Variants in M1AP observed in about 807,000 individuals in gnomAD.
M1AP encodes the protein meiosis 1 associated protein.
In M1AP, 39 loss-of-function variants were observed where a neutral mutation model predicts 51.2. The ratio of observed to expected loss-of-function variants is 0.76; its 90% confidence interval spans 0.59 to 1.00. The LOEUF is 1.00. Among genes scored for constraint, M1AP ranks in the 50% least tolerant of loss-of-function variants. The probability of loss-of-function intolerance (pLI) is 0.00; values close to 1 mark genes in which losing one functional copy is unlikely to be tolerated. For synonymous variants in M1AP, 251 were observed against 249.2 expected, an observed-to-expected ratio of 1.01 and a Z score of -0.07; for missense variants, 545 against 641.2, an observed-to-expected ratio of 0.85 and a Z score of 1.62.
chr2:74,590,252 A>T (rs780900908), intron 4 of M1AP, among the ~76,000 whole-genome samples: 6 of 152,160 alleles, frequency 3.9e-5, no homozygotes, highest in Non-Finnish European at 7.3e-5. Context: ...TTTGGTTGAT[A>T]AATGGCCCCT....
Position 74,560,013 on chromosome 2 carries a change from C to T in M1AP, c.1422+138G>A. ...GTAAGGGTTCTAATTTTCCCCTCCA[C>T]CAGGGGTGGATCCTGGAGGAAGGCT... On this transcript the variant is annotated intron_variant, in intron 9 of 10. Coordinates refer to ENST00000421985, the MANE Select transcript of M1AP (RefSeq NM_001321739.2). 3.2e-6 allele frequency: 3 copies of T among 946,258 alleles called. No individual in the cohort carries two copies. In the South Asian group the frequency reaches 4.9e-5, roughly 16 times the overall value. 58.6% of individuals were successfully genotyped at this position (946,258 alleles called of 1,614,324 possible).
chr2:74,614,924 C>T (rs371763887), intron 3 of M1AP, 40 bp downstream of exon 3: 763 of 1,571,620 alleles, frequency 4.9e-4, no homozygotes, highest in Middle Eastern at 1.7e-3. Flanking sequence ...GGACTGAAAT[C>T]GGAACACAGC....
intron 3 of M1AP, among the ~76,000 whole-genome samples, chr2:74,611,616 A>C (rs547900640): frequency 3.9e-4 from 59 of 152,102 alleles, no homozygotes; most frequent in Non-Finnish European, 5.4e-4. Flanking sequence ...CAAACAAAAC[A>C]GTTCTTTTTA....
At chr2:74,640,463 A>ATT (rs757761825) in intron 1 of M1AP, 136 bp from the exon 2 acceptor site, 2,347 of 514,008 alleles carry the variant, frequency 4.6e-3, no homozygotes, top group Middle Eastern at 6.2e-3. Flanking sequence ...AGGCCATCCT[A>ATT]TTTTTTTTTT....
chr2:74,588,669 G>C lies in M1AP; in HGVS notation c.596-6822C>G, dbSNP rs76857476. On this transcript the variant is annotated intron_variant, in intron 4 of 10. Transcript: ENST00000421985. ...AGAGTTGGCAGGGGTGGTGGTAGTG[G>C]TTATCAACATGTGAACTCAGGGCAG... is the stretch of plus-strand genomic sequence containing the variant. Among the ~76,000 whole-genome samples, 1,510 of 152,292 alleles carry C rather than the reference G, an allele frequency of 9.9e-3. 29 individuals carry two copies. Among genetic ancestry groups the C allele is most frequent in the African/African-American group, 0.034 (1,430 of 41,546 alleles).
At chr2:74,625,206 A>C (rs142714468) in intron 2 of M1AP, among the ~76,000 whole-genome samples, 68 of 152,258 alleles carry the variant, frequency 4.5e-4, no homozygotes, top group African/African-American at 1.3e-3. Context: ...AATGTCATTT[A>C]TATTTTCTTT....
intron 5 of M1AP, among the ~76,000 whole-genome samples, chr2:74,578,024 T>C (rs1679180125): frequency 6.6e-6 from 1 of 152,226 alleles, no homozygotes; most frequent in Non-Finnish European, 1.5e-5. Flanking sequence ...ATCCCTTGCA[T>C]GTGTAGTTCA....
Position 74,558,691 on chromosome 2 carries a change from G to A in M1AP, c.*25C>T. 6.2e-7 allele frequency: 1 copy of A among 1,610,922 alleles called. No homozygotes were observed. The highest frequency in any genetic ancestry group is 8.5e-7 in the Non-Finnish European group (1 of 1,178,718). On this transcript the variant is annotated 3_prime_UTR_variant, in exon 11 of 11. Transcript: ENST00000421985. ...CTGAGCATGGATATGGTTAAGCTGG[G>A]CAGCTGGGCTCTGGTGCTGGTGACT...
At chr2:74,606,932 T>C (rs1573134133) in intron 4 of M1AP, 123 bp downstream of exon 4, 1 of 510,726 alleles carries the variant, frequency 2.0e-6, no homozygotes, top group East Asian at 3.4e-5. Context: ...TTAGGGTACA[T>C]GTGCACAACG....
At chr2:74,648,238 C>T (rs909560994) in intron 1 of M1AP, 27 bp downstream of exon 1, 2 of 976,322 alleles carry the variant, frequency 2.0e-6, no homozygotes, top group Non-Finnish European at 2.4e-6. Context: ...GGGCTGCCCT[C>T]CCTCCCCGAG....
Position 74,647,266 on chromosome 2 carries a change from G to A in M1AP, c.-53+999C>T, listed in dbSNP as rs575198341. The A allele has an allele frequency of 5.3e-5, 52 of 985,308 alleles. No homozygotes were observed. In the African/African-American group the frequency reaches 8.7e-4, roughly 17 times the overall value. 61.0% of individuals were successfully genotyped at this position (985,308 alleles called of 1,614,324 possible). On this transcript the variant is annotated intron_variant, in intron 1 of 10. Coordinates refer to ENST00000421985, the MANE Select transcript of M1AP (RefSeq NM_001321739.2). ...AGGCCCTCCCCTGCCCGCACCCCGG[G>A]AGATCCACCTCTCACAGATCGGCTT...
At chr2:74,626,432 A>C (rs1461545686) in intron 2 of M1AP, among the ~76,000 whole-genome samples, 1 of 151,604 alleles carries the variant, frequency 6.6e-6, no homozygotes, top group East Asian at 1.9e-4. Context: ...TTTATTTTTA[A>C]ATTTTTTGTA....
chr2:74,628,335 C>A, intron 2 of M1AP: 1 of 365,194 alleles, frequency 2.7e-6, no homozygotes, highest in South Asian at 3.0e-5. Context: ...GAAGCTTCTC[C>A]GATCATCTCC....
intron 3 of M1AP, among the ~76,000 whole-genome samples, chr2:74,611,375 GCTTT>G (rs2104720807): frequency 1.3e-5 from 2 of 152,190 alleles, no homozygotes; most frequent in Admixed American, 6.5e-5. Flanking sequence ...GTCTGTTTAG[GCTTT>G]CTATTTTTTC....
chr2:74,568,498 T>C (rs1271154593), intron 7 of M1AP, among the ~76,000 whole-genome samples: 1 of 152,162 alleles, frequency 6.6e-6, no homozygotes, highest in Non-Finnish European at 1.5e-5. Context: ...ATGGTGGTAG[T>C]GGTGGTTGGA....
At chr2:74,631,290 A>C (rs1478808937) in intron 2 of M1AP, among the ~76,000 whole-genome samples, 4 of 152,150 alleles carry the variant, frequency 2.6e-5, no homozygotes, top group Non-Finnish European at 5.9e-5. Context: ...TGTCATGATT[A>C]GGAAGGCCTG....
intron 10 of M1AP, 145 bp downstream of exon 10, chr2:74,559,553 G>C: frequency 1.6e-6 from 1 of 619,330 alleles, no homozygotes; most frequent in Non-Finnish European, 3.0e-6. Context: ...TAGAACACGG[G>C]TTTCATAAAA....
At chr2:74,647,004 G>A (rs1238240120) in intron 1 of M1AP, among the ~76,000 whole-genome samples, 1 of 152,114 alleles carries the variant, frequency 6.6e-6, no homozygotes, top group African/African-American at 2.4e-5. Context: ...AACAGGCTCT[G>A]ACCTTATTCT....
At chr2:74,578,561 G>T (rs553571800) in intron 5 of M1AP, among the ~76,000 whole-genome samples, 4 of 152,304 alleles carry the variant, frequency 2.6e-5, no homozygotes, top group Admixed American at 2.6e-4. Context: ...TGGGAAAGCT[G>T]TTTTAGCTGG....
Sources: allele counts gnomAD v4.1 joint callset (sites outside exome capture counted in the v4.1 genomes callset), GRCh38; gene constraint gnomAD v4.1.1; transcripts MANE v1.5; gene names NCBI Gene and HGNC (gene_info 2026-07-23, HGNC 2026-07-21).